Variants in TP53BP2 observed in about 807,000 individuals in gnomAD.
TP53BP2 encodes tumor protein p53 binding protein 2, also known as apoptosis-stimulating of p53 protein 2.
TP53BP2 carries 62 observed loss-of-function variants against 126.2 expected under a neutral mutation model. The ratio of observed to expected loss-of-function variants is 0.49; its 90% CI spans 0.40 to 0.61. TP53BP2 has a LOEUF of 0.61. Ranked by LOEUF, TP53BP2 falls within the 20% of genes least tolerant of loss-of-function variation. The pLI is 0.00. For synonymous variants in TP53BP2, 485 were observed against 502.9 expected (o/e 0.96, Z 0.48); for missense variants, 1,215 against 1,402.8 (o/e 0.87, Z 2.14).
At chr1:223,845,033 C>G (rs1220868731) in intron 1 of TP53BP2, among the ~76,000 whole-genome samples, 1 of 152,208 alleles carries the variant, frequency 6.6e-6, no homozygotes, top group African/African-American at 2.4e-5. Context: ...GCCTGCGGAG[C>G]TCCTAAAGAA....
chr1:223,829,331 T>C (rs1162670342), intron 1 of TP53BP2, among the ~76,000 whole-genome samples: 3 of 152,182 alleles, frequency 2.0e-5, no homozygotes, highest in Admixed American at 1.3e-4. Flanking sequence ...TATTTTTATA[T>C]GTTTAGTACT....
chr1:223,807,884 T>C (rs1662776875), intron 4 of TP53BP2, among the ~76,000 whole-genome samples: 1 of 152,134 alleles, frequency 6.6e-6, no homozygotes, highest in African/African-American at 2.4e-5. Context: ...TTCAACAAAA[T>C]CTCAACTGAA....
chr1:223,817,059 CT>C (rs1211710889), intron 2 of TP53BP2, among the ~76,000 whole-genome samples: 1 of 151,194 alleles, frequency 6.6e-6, no homozygotes, highest in Non-Finnish European at 1.5e-5. Context: ...ACTCAGGAGG[CT>C]GAGGTGGGAG....
In TP53BP2 at chr1:223,789,189, ACGAGGG is replaced by A. The variant is rs752678792; in HGVS notation, c.2997-21_2997-16del. ...GTAATGGAGTCCTGTGAAGCAAGAT[ACGAGGG>A]CTAGAACTGTTTTCCTAAACTGAAT... On this transcript the variant is annotated splice_polypyrimidine_tract_variant and intron_variant, in intron 15 of 17. Transcript: ENST00000343537. 6.2e-7 allele frequency: 1 copy of A among 1,614,024 alleles called. No homozygotes were observed. Among genetic ancestry groups the A allele is most frequent in the South Asian group, 1.1e-5 (1 of 91,058 alleles).
At chr1:223,820,112 A>G (rs1663248489) in intron 2 of TP53BP2, among the ~76,000 whole-genome samples, 1 of 152,258 alleles carries the variant, frequency 6.6e-6, no homozygotes, top group South Asian at 2.1e-4. Flanking sequence ...GCTGCAATCC[A>G]GAAGGAACCA....
At chr1:223,792,240 A>G (rs1397734305) in intron 15 of TP53BP2, 149 bp downstream of exon 15, 2 of 911,438 alleles carry the variant, frequency 2.2e-6, no homozygotes, top group East Asian at 5.4e-5. Flanking sequence ...TAATTCCTCA[A>G]AAATAGATAC....
rs59643827 is a variant in TP53BP2, at chr1:223,828,151, A to G, written c.28-6784T>C. On this transcript the variant is annotated intron_variant, in intron 1 of 17. Coordinates refer to ENST00000343537, the MANE Select transcript of TP53BP2 (RefSeq NM_001031685.3). The stretch of plus-strand genomic sequence containing the variant: ...AAAAAATAAAACTGTTAAATCTAAG[A>G]AGTTTCCTGCATCTGATACCAAAAT... 1.5e-3 allele frequency among the ~76,000 whole-genome samples: 225 copies of G among 152,316 alleles called. 3 individuals are homozygous for G. The East Asian group carries it at 0.039, about 27-fold the overall frequency.
chr1:223,795,695 C>T (rs932752398), intron 13 of TP53BP2, 120 bp downstream of exon 13: 26 of 915,678 alleles, frequency 2.8e-5, no homozygotes, highest in Non-Finnish European at 3.7e-5. Flanking sequence ...ATAAGATCCA[C>T]TCTGTGCCAA....
At position 223,802,246 on chromosome 1, in the gene TP53BP2, C is replaced by A; in HGVS notation, c.1095G>T (p.Met365Ile). ...TCACCAGCAATTCAGGCCTTGAGGGCATCCGAGGCATAGTAGACGACTGGA... is the reference window on the plus strand; with the variant it reads ...TCACCAGCAATTCAGGCCTTGAGGGAATCCGAGGCATAGTAGACGACTGGA... ...PYIQSSTMPR[M>I]PSRPELLVKP... The change falls in exon 9 of 18, where the codon ATG becomes ATT. Residue 365 changes from methionine (M) to isoleucine (I), a missense_variant. By Grantham distance (10) the Met-to-Ile change is conservative. Around this residue, in one of 4 missense-constraint regions of TP53BP2, gnomAD observed 814 missense variants for 853.0 expected, o/e 0.95. Coordinates refer to ENST00000343537, the MANE Select transcript of TP53BP2 (RefSeq NM_001031685.3). 1.2e-6 allele frequency: 2 copies of A among 1,614,178 alleles called. No individual in the cohort carries two copies. Among genetic ancestry groups the A allele is most frequent in the Non-Finnish European group, 1.7e-6 (2 of 1,180,030 alleles).
intron 17 of TP53BP2, among the ~76,000 whole-genome samples, 185 bp from the exon 18 acceptor site, chr1:223,781,079 A>C (rs192309537): frequency 5.3e-4 from 81 of 152,238 alleles, no homozygotes; most frequent in Non-Finnish European, 8.5e-4. Context: ...AGCTAGACTC[A>C]GCAGGACGTT....
intron 1 of TP53BP2, chr1:223,845,172 G>A (rs1321119884): frequency 1.5e-5 from 13 of 882,810 alleles, no homozygotes; most frequent in African/African-American, 3.6e-5. Context: ...AAAGAGGTAA[G>A]GGTGACTTAG....
At chr1:223,808,811 A>G (rs968597366) in intron 4 of TP53BP2, among the ~76,000 whole-genome samples, 1 of 152,108 alleles carries the variant, frequency 6.6e-6, no homozygotes, top group Non-Finnish European at 1.5e-5. Flanking sequence ...AAAGATTTGA[A>G]CAAATAATTT....
intron 13 of TP53BP2, 54 bp from the exon 14 acceptor site, chr1:223,793,494 C>T (rs1662218650): frequency 1.4e-6 from 2 of 1,439,820 alleles, no homozygotes; most frequent in Admixed American, 5.3e-5. Flanking sequence ...AAGAGAACAA[C>T]AGCAGCAAAT....
intron 1 of TP53BP2, among the ~76,000 whole-genome samples, chr1:223,829,045 G>A (rs957405968): frequency 3.3e-5 from 5 of 152,054 alleles, no homozygotes; most frequent in Non-Finnish European, 7.3e-5. Flanking sequence ...AAAAATCTCA[G>A]GCCGGGCATG....
intron 1 of TP53BP2, among the ~76,000 whole-genome samples, chr1:223,822,875 T>A (rs1052215524): frequency 6.6e-6 from 1 of 152,190 alleles, no homozygotes; most frequent in African/African-American, 2.4e-5. Context: ...TAAGGCTCTA[T>A]GTTTATTCAA....
intron 3 of TP53BP2, among the ~76,000 whole-genome samples, chr1:223,813,901 CCA>C (rs2102865499): frequency 6.6e-6 from 1 of 152,312 alleles, no homozygotes; most frequent in Admixed American, 6.5e-5. Flanking sequence ...GCCACATCTG[CCA>C]CAGTTTTATT....
In TP53BP2 at chr1:223,803,263, C is replaced by G. The variant is rs201532748; in HGVS notation, c.831+8G>C. 2 of 1,602,172 alleles carry G rather than the reference C, an allele frequency of 1.2e-6. No homozygotes were observed. The highest frequency in any genetic ancestry group is 8.5e-7 in the Non-Finnish European group (1 of 1,175,594). On this transcript the variant is annotated splice_region_variant and intron_variant, in intron 7 of 17. Transcript: ENST00000343537. Reference sequence around the variant, plus strand: ...TTGTACAGCTTTTGGCAAACAGCTACGGTCTACCTGCAGCTCCTTATAGAG... The same window carrying G: ...TTGTACAGCTTTTGGCAAACAGCTAGGGTCTACCTGCAGCTCCTTATAGAG...
chr1:223,841,198 G>A (rs919480406), intron 1 of TP53BP2, among the ~76,000 whole-genome samples: 5 of 152,122 alleles, frequency 3.3e-5, no homozygotes, highest in Non-Finnish European at 2.9e-5. Context: ...AGCCGAGATC[G>A]CGCCACTGCA....
intron 9 of TP53BP2, 51 bp downstream of exon 9, chr1:223,802,065 G>C (rs752668387): frequency 3.3e-6 from 5 of 1,523,644 alleles, no homozygotes; most frequent in Non-Finnish European, 4.5e-6. Context: ...CTCAAACTTG[G>C]GAGAAAGAAT....
Sources: allele counts gnomAD v4.1 joint callset (sites outside exome capture counted in the v4.1 genomes callset), GRCh38; gene constraint gnomAD v4.1.1; regional missense constraint gnomAD v4.1.1; transcripts MANE v1.5; gene names NCBI Gene and HGNC (gene_info 2026-07-23, HGNC 2026-07-21).